The following LRP2 variants were observed in gnomAD, a reference collection of about 807,000 sequenced individuals.
The protein encoded by LRP2 is low-density lipoprotein receptor-related protein 2.
LRP2 carries 172 observed loss-of-function variants against 531.0 expected under a neutral mutation model. The ratio of observed to expected loss-of-function variants is 0.32; its 90% CI spans 0.29 to 0.37. LRP2 has a LOEUF of 0.37. Among genes scored for constraint, LRP2 ranks in the 10% least tolerant of loss-of-function variants. The pLI is 1.00. For missense variants in LRP2, 5,167 were observed against 5,868.3 expected (o/e 0.88, Z 3.90); for synonymous variants, 1,992 against 2,027.6 (o/e 0.98, Z 0.47).
intron 77 of LRP2, among the ~76,000 whole-genome samples, chr2:169,131,254 A>AGT (rs3835382): frequency 0.012 from 1,777 of 148,626 alleles, 16 homozygotes; most frequent in African/African-American, 0.028. Flanking sequence ...TGAGTGTATG[A>AGT]GTGTGTGTGT....
At chr2:169,293,054 G>A (rs1324306626) in intron 6 of LRP2, among the ~76,000 whole-genome samples, 1 of 152,058 alleles carries the variant, frequency 6.6e-6, no homozygotes, top group African/African-American at 2.4e-5. Context: ...AATAAGCCCA[G>A]GTTCCAGAAA....
At position 169,151,039 on chromosome 2, in the gene LRP2, G is replaced by A. The variant is rs139211353; in HGVS notation, c.12462-13C>T. 6.7e-4 allele frequency: 1,081 copies of A among 1,613,776 alleles called. 8 individuals are homozygous for A. The African/African-American group carries it at 0.012, about 18-fold the overall frequency. ...CCAGTAAATATGCCTGAATTCAGAGGGACAAAGTTAAACAACTGCAAAGCC... is the reference window on the plus strand; with the variant it reads ...CCAGTAAATATGCCTGAATTCAGAGAGACAAAGTTAAACAACTGCAAAGCC... On this transcript the variant is annotated splice_polypyrimidine_tract_variant and intron_variant, in intron 67 of 78. Coordinates refer to ENST00000649046, the MANE Select transcript of LRP2 (RefSeq NM_004525.3).
chr2:169,284,256 C>CTTTTTTTTTTTTTTTTTTTTTTTTT (rs1216987363), intron 9 of LRP2, among the ~76,000 whole-genome samples: 25 of 96,640 alleles, frequency 2.6e-4, no homozygotes, highest in Non-Finnish European at 3.7e-4. Context: ...TCTTTTTTTT[C>CTTTTTTTTTTTTTTTTTTTTTTTTT]TTTTTTTTTT....
intron 1 of LRP2, among the ~76,000 whole-genome samples, chr2:169,352,504 A>C (rs1373780732): frequency 6.6e-6 from 1 of 152,220 alleles, no homozygotes; most frequent in East Asian, 1.9e-4. Context: ...CAAAACTGAA[A>C]AATGAGAGGG....
intron 60 of LRP2, among the ~76,000 whole-genome samples, chr2:169,169,144 A>G (rs924858670): frequency 7.9e-5 from 12 of 152,220 alleles, no homozygotes; most frequent in African/African-American, 2.7e-4. Flanking sequence ...GAAAAGAAAG[A>G]TCAGACAGTT....
At chr2:169,320,722 C>T in intron 2 of LRP2, 55 bp downstream of exon 2, 4 of 1,396,376 alleles carry the variant, frequency 2.9e-6, no homozygotes, top group Non-Finnish European at 3.1e-6. Context: ...CTGAAATCAC[C>T]AGGAAGCACT....
At chr2:169,339,641 G>C (rs1685508776) in intron 1 of LRP2, among the ~76,000 whole-genome samples, 1 of 152,164 alleles carries the variant, frequency 6.6e-6, no homozygotes, top group Non-Finnish European at 1.5e-5. Flanking sequence ...CAAAGAAGTT[G>C]ATAGTGACAA....
rs899945248 is a variant in LRP2, at chr2:169,175,645, A to C, written c.10572-256T>G. Among the ~76,000 whole-genome samples, 86 of 47,984 alleles carry C rather than the reference A, an allele frequency of 1.8e-3. 1 individual carries two copies. The highest frequency in any genetic ancestry group is 1.7e-3 in the Non-Finnish European group (27 of 15,880). The allele number at this position is 47,984 out of a possible 152,430, so 31.5% of individuals were successfully genotyped here. On this transcript the variant is annotated intron_variant, in intron 54 of 78. Coordinates refer to ENST00000649046, the MANE Select transcript of LRP2 (RefSeq NM_004525.3). ...ATATGATGAATAAATTTCCTCCACA[A>C]AAAAAAAACAATAAACAAATAAAGA...
At chr2:169,301,831 T>C (rs1684292492) in intron 4 of LRP2, among the ~76,000 whole-genome samples, 1 of 152,022 alleles carries the variant, frequency 6.6e-6, no homozygotes, top group Non-Finnish European at 1.5e-5. Context: ...GTGTCTTGAT[T>C]TTAGAAGCTT....
chr2:169,218,968 T>C (rs572215740), intron 34 of LRP2, among the ~76,000 whole-genome samples: 2 of 152,244 alleles, frequency 1.3e-5, no homozygotes, highest in African/African-American at 4.8e-5. Context: ...CTTTGAGCCA[T>C]TACATATTTA....
chr2:169,150,868 T>C, intron 68 of LRP2, 30 bp downstream of exon 68: 2 of 1,613,148 alleles, frequency 1.2e-6, no homozygotes, highest in Admixed American at 1.7e-5. Context: ...GAGAAATATC[T>C]AGATGTTGAA....
rs188110497 is a variant in LRP2, at chr2:169,182,628, G to A, written c.9846-309C>T. 1.9e-3 allele frequency: 1,871 copies of A among 985,364 alleles called. 15 individuals carry two copies. Among genetic ancestry groups the A allele is most frequent in the Non-Finnish European group, 1.8e-3 (1,492 of 829,902 alleles). The allele number at this position is 985,364 out of a possible 1,614,324, so 61.0% of individuals were successfully genotyped here. A position where few individuals can be genotyped will look rare whatever the true frequency, so the allele number is the denominator to read the frequency against. On this transcript the variant is annotated intron_variant, in intron 50 of 78. Transcript: ENST00000649046. ...CAGCATAAGGCACCCTCTCCAGGCA[G>A]TGCAAAGGCTTAGCAGAACAGGGAA... is the stretch of plus-strand genomic sequence containing the variant.
intron 3 of LRP2, among the ~76,000 whole-genome samples, chr2:169,311,495 T>C (rs1219205200): frequency 2.6e-5 from 4 of 152,254 alleles, no homozygotes; most frequent in African/African-American, 7.2e-5. Flanking sequence ...TCAGTTTCCA[T>C]GTAGTTGAGC....
rs767379633 is a variant in LRP2 at position 169,139,286 on chromosome 2, G to A, written c.13353C>T (p.Thr4451=). 3.7e-5 allele frequency: 60 copies of A among 1,614,032 alleles called. 1 individual carries two copies. In the East Asian group the frequency reaches 7.4e-4, roughly 20 times the overall value. The change falls in exon 74 of 79, where the codon ACC becomes ACT. Residue 4451 remains threonine, a synonymous_variant. Coordinates refer to ENST00000649046, the MANE Select transcript of LRP2 (RefSeq NM_004525.3). ...AIAGFFHYRR[T]GSLLPALPKL... ...TGGGCAGAGCAGGCAAAAGGGAGCC[G>A]GTCCTTCTATAGTGGAAGAATCCTG...
At chr2:169,286,734 C>A (rs1019087713) in intron 9 of LRP2, among the ~76,000 whole-genome samples, 4 of 152,082 alleles carry the variant, frequency 2.6e-5, no homozygotes, top group African/African-American at 7.2e-5. Context: ...ACTGAATTAG[C>A]GATTCTGAAA....
intron 52 of LRP2, among the ~76,000 whole-genome samples, chr2:169,179,004 T>G (rs1020985345): frequency 1.1e-4 from 16 of 151,386 alleles, no homozygotes; most frequent in African/African-American, 3.6e-4. Flanking sequence ...TTTATTTATT[T>G]ATTTATTTAT....
At position 169,239,521 on chromosome 2, in the gene LRP2, A is replaced by G. The variant is rs745890104; in HGVS notation, c.4294+6T>C. 6.2e-7 allele frequency: 1 copy of G among 1,614,066 alleles called. No individual in the cohort carries two copies. On this transcript the variant is annotated splice_donor_region_variant and intron_variant, in intron 26 of 78. Transcript: ENST00000649046. ...ATAAACTGGCTCGGGTTAGTTCAGCAATTACCTGTAACTTTGCAAGTCCTC... is the reference window on the plus strand; with the variant it reads ...ATAAACTGGCTCGGGTTAGTTCAGCGATTACCTGTAACTTTGCAAGTCCTC...
In LRP2 at chr2:169,154,441, T is replaced by A; in HGVS notation, c.12295+19A>T. On this transcript the variant is annotated intron_variant, in intron 66 of 78. Coordinates refer to ENST00000649046, the MANE Select transcript of LRP2 (RefSeq NM_004525.3). ...AAAGTCACTTAATATCAATGAAAGA[T>A]GCCAAAGTTTATACTCACTGAGGCC... The A allele has an allele frequency of 6.2e-7, 1 of 1,607,474 alleles. No individual in the cohort carries two copies. The highest frequency in any genetic ancestry group is 1.1e-5 in the South Asian group (1 of 90,926).
chr2:169,267,242 T>C (rs543503288), intron 16 of LRP2, among the ~76,000 whole-genome samples: 2 of 152,046 alleles, frequency 1.3e-5, no homozygotes, highest in East Asian at 3.9e-4. Context: ...TAAAACTATT[T>C]AGGAAGCTTA....
Sources: allele counts gnomAD v4.1 joint callset (sites outside exome capture counted in the v4.1 genomes callset), GRCh38; gene constraint gnomAD v4.1.1; transcripts MANE v1.5; gene names NCBI Gene and HGNC (gene_info 2026-07-23, HGNC 2026-07-21).